Variants in PRKN observed in about 807,000 individuals in gnomAD.
The protein encoded by PRKN is E3 ubiquitin-protein ligase parkin.
Under a neutral mutation model 59.5 loss-of-function variants are expected in PRKN, and 56 were observed. The observed-to-expected ratio is 0.94, with a 90% confidence interval of 0.76 to 1.18. The LOEUF (loss-of-function observed/expected upper bound fraction) is 1.18. Ranked by LOEUF, PRKN falls within the 50% of genes most tolerant of loss-of-function variation. The pLI is 0.00. For missense variants in PRKN, 657 were observed against 596.4 expected (o/e 1.10, Z -1.06); for synonymous variants, 250 against 222.1 (o/e 1.13, Z -1.12).
At chr6:162,369,518 A>T (rs1464801977) in intron 2 of PRKN, among the ~76,000 whole-genome samples, 2 of 152,226 alleles carry the variant, frequency 1.3e-5, no homozygotes, top group Admixed American at 1.3e-4. Flanking sequence ...AATTGTACAC[A>T]TTCCACAAAA....
At chr6:162,695,104 T>C (rs1241092033) in intron 1 of PRKN, 5 of 152,214 alleles carry the variant, frequency 3.3e-5, no homozygotes, top group African/African-American at 1.2e-4. Context: ...ACATATTTTA[T>C]GGCTGTTCTG....
intron 2 of PRKN, among the ~76,000 whole-genome samples, chr6:162,407,956 G>C (rs961366750): frequency 2.0e-5 from 3 of 151,224 alleles, no homozygotes; most frequent in African/African-American, 7.3e-5. Context: ...AAAAAAAAGT[G>C]ATAAAATCAG....
At position 162,302,704 on chromosome 6, in the gene PRKN, A is replaced by G. The variant is rs78332535; in HGVS notation, c.172-39939T>C. Reference sequence around the variant, plus strand: ...GGCACTCCAAACACAGAACACATCTATCTATGTTATGCCAAAACTTCTGAG... The same window carrying G: ...GGCACTCCAAACACAGAACACATCTGTCTATGTTATGCCAAAACTTCTGAG... On this transcript the variant is annotated intron_variant, in intron 2 of 11. Coordinates refer to ENST00000366898, the MANE Select transcript of PRKN (RefSeq NM_004562.3). Among the ~76,000 whole-genome samples, 1,073 of 152,128 alleles carry G rather than the reference A, an allele frequency of 7.1e-3. 24 individuals are homozygous for G. Among genetic ancestry groups the G allele is most frequent in the African/African-American group, 0.024 (1,006 of 41,474 alleles).
intron 7 of PRKN, among the ~76,000 whole-genome samples, chr6:161,608,360 T>A (rs1374403160): frequency 2.6e-5 from 4 of 152,150 alleles, no homozygotes; most frequent in East Asian, 3.8e-4. Context: ...GGAATTATAA[T>A]ACCTAGTCTG....
chr6:162,077,861 A>G (rs4346836), intron 4 of PRKN, among the ~76,000 whole-genome samples: 124,813 of 151,426 alleles, frequency 0.82, 51,620 homozygotes, highest in Admixed American at 0.88. Context: ...TTAGTCAGTC[A>G]TGGTGACATT....
At chr6:162,656,858 C>A (rs1377246582) in intron 1 of PRKN, among the ~76,000 whole-genome samples, 1 of 152,178 alleles carries the variant, frequency 6.6e-6, no homozygotes, top group African/African-American at 2.4e-5. Context: ...TCCAGCCATA[C>A]TCCTCTCAAT....
chr6:161,512,019 G>A (rs561541429), intron 9 of PRKN, among the ~76,000 whole-genome samples: 3 of 152,258 alleles, frequency 2.0e-5, no homozygotes, highest in South Asian at 2.1e-4. Context: ...CACCTACATT[G>A]TTGTCACTGT....
chr6:161,926,827 T>C (rs1213049319), intron 6 of PRKN, among the ~76,000 whole-genome samples: 2 of 151,600 alleles, frequency 1.3e-5, no homozygotes, highest in Non-Finnish European at 2.9e-5. Flanking sequence ...CTATAAGACA[T>C]TCAAATGAGC....
In PRKN at chr6:162,153,757, G is replaced by A. The variant is rs192154088; in HGVS notation, c.534+47374C>T. Among the ~76,000 whole-genome samples, 19 of 152,198 alleles carry A rather than the reference G, an allele frequency of 1.2e-4. No individual in the cohort carries two copies. In the East Asian group the frequency reaches 3.1e-3, roughly 25 times the overall value. On this transcript the variant is annotated intron_variant, in intron 4 of 11. Transcript: ENST00000366898. The stretch of plus-strand genomic sequence containing the variant: ...GGTTGTCTCTCTTCCTTTCTCCTCC[G>A]AGGCCAGGTTGCCTCTCTATGACAT...
chr6:161,779,440 C>CTTTTTTTT (rs10683923), intron 7 of PRKN, among the ~76,000 whole-genome samples: 10,080 of 41,134 alleles, frequency 0.25, 3,675 homozygotes, highest in Admixed American at 0.32. Context: ...CTTTTCTTTT[C>CTTTTTTTT]TTTTTTTTTT....
intron 7 of PRKN, among the ~76,000 whole-genome samples, chr6:161,725,091 C>T (rs371862879): frequency 1.1e-3 from 166 of 152,326 alleles, no homozygotes; most frequent in Admixed American, 3.7e-3. Flanking sequence ...GCCTAGCAGA[C>T]GCTGGCGCCA....
At chr6:161,900,647 TTATATATAA>T (rs1562376906) in intron 6 of PRKN, among the ~76,000 whole-genome samples, 19 of 133,220 alleles carry the variant, frequency 1.4e-4, no homozygotes, top group Non-Finnish European at 2.6e-4. Context: ...ATATTATATA[TTATATATAA>T]CATATATTAT....
At chr6:162,484,077 T>C (rs1792431038) in intron 1 of PRKN, among the ~76,000 whole-genome samples, 1 of 152,174 alleles carries the variant, frequency 6.6e-6, no homozygotes, top group African/African-American at 2.4e-5. Flanking sequence ...ATAAAGTATG[T>C]CTAAAAAAGA....
At chr6:162,083,331 A>G (rs1779132529) in intron 4 of PRKN, among the ~76,000 whole-genome samples, 1 of 152,174 alleles carries the variant, frequency 6.6e-6, no homozygotes, top group Non-Finnish European at 1.5e-5. Context: ...ATACTGAGAC[A>G]TGAAGTGGGC....
At chr6:161,351,544 C>T (rs1020920808) in intron 11 of PRKN, among the ~76,000 whole-genome samples, 3 of 152,046 alleles carry the variant, frequency 2.0e-5, no homozygotes, top group Non-Finnish European at 2.9e-5. Context: ...AGGCTGGTCT[C>T]AAACTCCTGA....
chr6:162,350,796 C>CA lies in PRKN; in HGVS notation c.172-88032dup, dbSNP rs200657981. On this transcript the variant is annotated intron_variant, in intron 2 of 11. Coordinates refer to ENST00000366898, the MANE Select transcript of PRKN (RefSeq NM_004562.3). ...TTAGCTAAGATCCCCAAAGCATGAC[C>CA]AAAAAAAAGAGCAAAGTTACAAATT... 5.3e-5 allele frequency among the ~76,000 whole-genome samples: 8 copies of CA among 150,976 alleles called. No individual in the cohort carries two copies. In the East Asian group the frequency reaches 1.4e-3, roughly 26 times the overall value.
intron 1 of PRKN, among the ~76,000 whole-genome samples, chr6:162,533,433 CAGG>C (rs979626707): frequency 7.2e-5 from 11 of 152,064 alleles, no homozygotes; most frequent in African/African-American, 1.4e-4. Flanking sequence ...GGAGCTGAGA[CAGG>C]AGAATTGTTT....
At chr6:162,302,267 C>A (rs1037497949) in intron 2 of PRKN, among the ~76,000 whole-genome samples, 1 of 152,060 alleles carries the variant, frequency 6.6e-6, no homozygotes, top group African/African-American at 2.4e-5. Flanking sequence ...ATTTAATGCC[C>A]TCCTATTGTG....
chr6:162,659,524 T>C (rs967776751), intron 1 of PRKN, among the ~76,000 whole-genome samples: 3 of 152,148 alleles, frequency 2.0e-5, no homozygotes, highest in Non-Finnish European at 4.4e-5. Context: ...CATCACTGTC[T>C]GGGACATTTT....
Sources: allele counts gnomAD v4.1 joint callset (sites outside exome capture counted in the v4.1 genomes callset), GRCh38; gene constraint gnomAD v4.1.1; transcripts MANE v1.5; gene names NCBI Gene and HGNC (gene_info 2026-07-23, HGNC 2026-07-21).